Variants in PRDM2 observed in about 807,000 individuals in gnomAD.
PRDM2 encodes PR domain zinc finger protein 2.
A neutral mutation model predicts 130.0 loss-of-function variants in PRDM2; 30 were observed. The observed-to-expected ratio is 0.23, with a 90% CI of 0.17 to 0.31. The LOEUF is 0.31. Ranked by LOEUF, PRDM2 falls within the 10% of genes least tolerant of loss-of-function variation. PRDM2 has a pLI of 1.00. For missense variants in PRDM2, 2,011 were observed against 2,108.4 expected, an observed-to-expected ratio of 0.95 and a Z score of 0.90; for synonymous variants, 871 against 782.4, an observed-to-expected ratio of 1.11 and a Z score of -1.89.
Position 13,782,449 on chromosome 1 carries a change from A to G in PRDM2, c.4654A>G (p.Arg1552Gly). ...AGTCCCACTTCCCTCCTCATCCTTCAGGTCCAAGCAGAACGTCAAGTTTGC... is the reference window on the plus strand; with the variant it reads ...AGTCCCACTTCCCTCCTCATCCTTCGGGTCCAAGCAGAACGTCAAGTTTGC... The part of the protein sequence containing the change: ...TQVPLPSSSF[R>G]SKQNVKFAAS... Residue 1552 changes from arginine (R) to glycine (G), a missense_variant, in exon 8 of 10, where the codon AGG becomes GGG. Arg to Gly is a moderately radical substitution (Grantham distance 125, BLOSUM62 -2). This residue lies in a region of PRDM2 where 410 missense variants were observed against 395.9 expected (regional missense o/e 1.04). Transcript: ENST00000311066. The G allele has an allele frequency of 6.2e-7, 1 of 1,614,042 alleles. No individual in the cohort carries two copies. Among genetic ancestry groups the G allele is most frequent in the South Asian group, 1.1e-5 (1 of 91,068 alleles).
Position 13,778,930 on chromosome 1 carries a change from A to C in PRDM2, c.1135A>C (p.Met379Leu). The change falls in exon 8 of 10, where the codon ATG becomes CTG. Residue 379 changes from methionine (M) to leucine (L), a missense_variant. Met to Leu is a conservative substitution (Grantham distance 15, BLOSUM62 2). Transcript: ENST00000311066. ...AACCAAACAGGGGCTTGAGCGTCAC[A>C]TGCATATCCATATATCCACCGTCAA... The part of the protein sequence containing the change: ...FTTKQGLERH[M>L]HIHISTVNHA... The C allele has an allele frequency of 3.7e-6, 6 of 1,614,252 alleles. No homozygotes were observed. The highest frequency in any genetic ancestry group is 5.1e-6 in the Non-Finnish European group (6 of 1,180,044).
At chr1:13,749,282 C>T (rs1569853372) in intron 5 of PRDM2, 79 bp from the exon 6 acceptor site, 1 of 1,263,458 alleles carries the variant, frequency 7.9e-7, no homozygotes, top group Non-Finnish European at 1.0e-6. Context: ...CGCTCCCGCC[C>T]GCGTCCCGGT....
At chr1:13,738,941 G>C (rs1433428320) in intron 4 of PRDM2, 1 of 150,160 alleles carries the variant, frequency 6.7e-6, no homozygotes. Flanking sequence ...TACCAAGAAG[G>C]TATAGTATTT....
At chr1:13,744,545 A>ACG (rs1249219119) in intron 5 of PRDM2, among the ~76,000 whole-genome samples, 1 of 152,142 alleles carries the variant, frequency 6.6e-6, no homozygotes, top group Non-Finnish European at 1.5e-5. Flanking sequence ...ATATGTGACC[A>ACG]CGCAAAGGAT....
In PRDM2 at chr1:13,806,195, C is replaced by T. The variant is rs1645083687; in HGVS notation, c.5037-10232C>T. ...AAATACTCTCCACCTGGACACCGCC[C>T]TCTCCCAGTCTCTGCACATTACCAG... On this transcript the variant is annotated intron_variant, in intron 8 of 9. Coordinates refer to ENST00000311066, the MANE Select transcript of PRDM2 (RefSeq NM_001393986.1). The surrounding 1 kb of genome is among the most constrained non-coding windows in gnomAD (Gnocchi z 4.1). Among the ~76,000 whole-genome samples, 1 of 152,068 alleles carries T rather than the reference C, an allele frequency of 6.6e-6. No homozygotes were observed. Among genetic ancestry groups the T allele is most frequent in the Non-Finnish European group, 1.5e-5 (1 of 68,000 alleles).
At chr1:13,793,375 A>G (rs948525110) in intron 8 of PRDM2, among the ~76,000 whole-genome samples, 6 of 152,158 alleles carry the variant, frequency 3.9e-5, no homozygotes, top group African/African-American at 1.4e-4. Context: ...ACAAAAACAG[A>G]CCTAGGGAGG....
chr1:13,805,442 G>A (rs1397169364), intron 8 of PRDM2, among the ~76,000 whole-genome samples: 2 of 152,148 alleles, frequency 1.3e-5, no homozygotes, highest in African/African-American at 4.8e-5. Context: ...GGGGCTTCCT[G>A]AAGCACGTGG....
At chr1:13,703,721 A>G (rs1408079444) in intron 1 of PRDM2, among the ~76,000 whole-genome samples, 1 of 152,258 alleles carries the variant, frequency 6.6e-6, no homozygotes, top group East Asian at 1.9e-4. Flanking sequence ...ATGCGTGGTA[A>G]ATAATTTAAG....
intron 3 of PRDM2, 70 bp downstream of exon 3, chr1:13,731,187 G>A: frequency 8.2e-7 from 1 of 1,224,936 alleles, no homozygotes; most frequent in Non-Finnish European, 1.2e-6. Flanking sequence ...TTCCTGCAGG[G>A]GCATGTCAGG....
intron 6 of PRDM2, among the ~76,000 whole-genome samples, chr1:13,749,764 C>T (rs1284947517): frequency 6.6e-6 from 1 of 152,012 alleles, no homozygotes; most frequent in East Asian, 1.9e-4. Flanking sequence ...TGTTTCTTAA[C>T]TTGTGACTTA....
intron 6 of PRDM2, among the ~76,000 whole-genome samples, chr1:13,764,394 C>T (rs1644176272): frequency 6.6e-6 from 1 of 152,188 alleles, no homozygotes; most frequent in African/African-American, 2.4e-5. Flanking sequence ...TAGAACAGGT[C>T]AGCATCTTGT....
At chr1:13,728,404 A>G (rs569595093) in intron 2 of PRDM2, among the ~76,000 whole-genome samples, 1 of 152,248 alleles carries the variant, frequency 6.6e-6, no homozygotes, top group African/African-American at 2.4e-5. Context: ...AGTCCAGCCC[A>G]TGAATCTACC....
At chr1:13,784,291 G>A (rs978703273) in intron 8 of PRDM2, among the ~76,000 whole-genome samples, 5 of 152,138 alleles carry the variant, frequency 3.3e-5, no homozygotes, top group Non-Finnish European at 5.9e-5. Flanking sequence ...TCTGTGTTCT[G>A]GTGGTGCCAC....
chr1:13,759,250 G>A (rs1462847246), intron 6 of PRDM2, among the ~76,000 whole-genome samples: 1 of 147,614 alleles, frequency 6.8e-6, no homozygotes, highest in Non-Finnish European at 1.5e-5. Context: ...GCAGTCTTTT[G>A]TAGATTTCCT....
intron 8 of PRDM2, among the ~76,000 whole-genome samples, chr1:13,808,463 C>CAAAA (rs58838331): frequency 1.7e-5 from 1 of 58,958 alleles, no homozygotes; most frequent in Non-Finnish European, 3.7e-5. Flanking sequence ...GACTCTGTCT[C>CAAAA]AAAAAAAAAA....
rs561021455 is a variant in PRDM2 at position 13,764,812 on chromosome 1, C to G, written c.512-8266C>G. Among the ~76,000 whole-genome samples the G allele has an allele frequency of 1.5e-4, 23 of 152,288 alleles. No homozygotes were observed. The South Asian group carries it at 2.9e-3, about 19-fold the overall frequency. On this transcript the variant is annotated intron_variant, in intron 6 of 9. Transcript: ENST00000311066. ...AAAACCTAGAGTTGTGTTTTAATACCATGAGCTACCTAAAACCAGAGAGGT... is the reference window on the plus strand; with the variant it reads ...AAAACCTAGAGTTGTGTTTTAATACGATGAGCTACCTAAAACCAGAGAGGT...
At chr1:13,799,538 C>T (rs1007737645) in intron 8 of PRDM2, among the ~76,000 whole-genome samples, 8 of 151,814 alleles carry the variant, frequency 5.3e-5, no homozygotes, top group East Asian at 1.9e-4. Context: ...TTTGCTGGAA[C>T]GCCAACTGTG....
intron 8 of PRDM2, among the ~76,000 whole-genome samples, chr1:13,788,559 C>T (rs542908871): frequency 1.3e-5 from 2 of 152,302 alleles, no homozygotes; most frequent in East Asian, 3.9e-4. Context: ...CCACATCTGT[C>T]TGTCACTCCT....
At chr1:13,757,693 A>G (rs1007021731) in intron 6 of PRDM2, among the ~76,000 whole-genome samples, 3 of 151,468 alleles carry the variant, frequency 2.0e-5, no homozygotes, top group Non-Finnish European at 4.4e-5. Flanking sequence ...GAGTTACATC[A>G]TGCTTGTTAG....
Sources: gnomAD v4.1 joint callset for allele counts (sites outside exome capture counted in the v4.1 genomes callset) on GRCh38, gnomAD v4.1.1 for gene constraint, gnomAD v4.1.1 regional missense constraint, Gnocchi (gnomAD v3.1) non-coding constraint, MANE v1.5 for transcripts, NCBI Gene and HGNC (gene_info 2026-07-23, HGNC 2026-07-21) for gene names.